The following NCAM1 variants were observed in gnomAD, a reference collection of about 807,000 sequenced individuals.
The protein encoded by NCAM1 is neural cell adhesion molecule 1.
NCAM1 carries 14 observed loss-of-function variants against 109.8 expected under a neutral mutation model. That is an observed-to-expected ratio of 0.13 (90% CI 0.08 to 0.20). The LOEUF (loss-of-function observed/expected upper bound fraction) is 0.20. Among genes scored for constraint, NCAM1 ranks in the 10% least tolerant of loss-of-function variants. The probability of loss-of-function intolerance (pLI) is 1.00; values close to 1 mark genes in which losing one functional copy is unlikely to be tolerated. For synonymous variants in NCAM1, 418 were observed against 442.9 expected, an observed-to-expected ratio of 0.94 and a Z score of 0.70; for missense variants, 774 against 1,109.9, an observed-to-expected ratio of 0.70 and a Z score of 4.30.
intron 1 of NCAM1, among the ~76,000 whole-genome samples, chr11:113,018,491 G>A (rs1263031837): frequency 1.3e-5 from 2 of 152,090 alleles, no homozygotes; most frequent in Middle Eastern, 3.2e-3. Flanking sequence ...TCCCCATAGA[G>A]CAACATCTAT....
intron 1 of NCAM1, among the ~76,000 whole-genome samples, chr11:113,123,465 C>A (rs2136056456): frequency 6.6e-6 from 1 of 152,264 alleles, no homozygotes; most frequent in Non-Finnish European, 1.5e-5. Context: ...AGTTCTGGGA[C>A]ACTCTTACTC....
chr11:113,066,113 T>A (rs1468418868), intron 1 of NCAM1, among the ~76,000 whole-genome samples: 6 of 152,150 alleles, frequency 3.9e-5, no homozygotes, highest in Admixed American at 3.9e-4. Flanking sequence ...GATGAACATA[T>A]GAATTTATTA....
chr11:113,041,679 TG>T (rs1334625645), intron 1 of NCAM1, among the ~76,000 whole-genome samples: 1 of 132,842 alleles, frequency 7.5e-6, no homozygotes, highest in Non-Finnish European at 1.6e-5. Flanking sequence ...TTATTGTGTC[TG>T]AAAAAAAAAT....
chr11:112,969,918 G>A (rs1466402441), intron 1 of NCAM1, among the ~76,000 whole-genome samples: 1 of 152,062 alleles, frequency 6.6e-6, no homozygotes, highest in East Asian at 1.9e-4. Flanking sequence ...GAAGCAGGCA[G>A]GTAAAAACTG....
chr11:113,163,760 G>A (rs376418491), intron 1 of NCAM1, among the ~76,000 whole-genome samples: 1 of 152,170 alleles, frequency 6.6e-6, no homozygotes, highest in Non-Finnish European at 1.5e-5. Flanking sequence ...AAAGAAGAAA[G>A]TGTCAGGGTT....
intron 1 of NCAM1, among the ~76,000 whole-genome samples, chr11:113,148,287 G>C (rs1475008321): frequency 6.6e-6 from 1 of 151,600 alleles, no homozygotes. Flanking sequence ...ACAGGCCGCT[G>C]CCCTACTCCC....
chr11:113,124,963 A>C (rs190831694), intron 1 of NCAM1, among the ~76,000 whole-genome samples: 57 of 152,332 alleles, frequency 3.7e-4, no homozygotes, highest in Non-Finnish European at 1.9e-4. Context: ...TAGCCATCAC[A>C]CTGGTGGTAC....
intron 1 of NCAM1, among the ~76,000 whole-genome samples, chr11:113,183,423 T>C (rs552282872): frequency 6.6e-6 from 1 of 152,272 alleles, no homozygotes; most frequent in East Asian, 1.9e-4. Flanking sequence ...TAAGAAACAA[T>C]ATTCACCTTA....
chr11:113,103,807 A>G (rs1555091963), intron 1 of NCAM1, among the ~76,000 whole-genome samples: 4 of 152,128 alleles, frequency 2.6e-5, no homozygotes, highest in African/African-American at 9.7e-5. Context: ...ACCGTGGGCG[A>G]TATGCAAATG....
At chr11:113,185,853 C>G (rs1298233316) in intron 1 of NCAM1, among the ~76,000 whole-genome samples, 2 of 152,164 alleles carry the variant, frequency 1.3e-5, no homozygotes, top group Non-Finnish European at 1.5e-5. Context: ...ACTAGAACCA[C>G]AGTGGCCCTA....
chr11:113,090,115 C>T (rs1341530734), intron 1 of NCAM1, among the ~76,000 whole-genome samples: 1 of 152,168 alleles, frequency 6.6e-6, no homozygotes, highest in African/African-American at 2.4e-5. Flanking sequence ...GTTTCATAAT[C>T]TCAACTAGTA....
intron 1 of NCAM1, among the ~76,000 whole-genome samples, chr11:113,074,465 G>T (rs1173947343): frequency 1.3e-5 from 2 of 152,086 alleles, no homozygotes; most frequent in African/African-American, 4.8e-5. Flanking sequence ...GGGTCTCATG[G>T]TGAAAAAAGA....
At chr11:113,143,585 G>A (rs143684331) in intron 1 of NCAM1, among the ~76,000 whole-genome samples, 4 of 152,296 alleles carry the variant, frequency 2.6e-5, no homozygotes, top group African/African-American at 4.8e-5. Context: ...TTTTGGCTCA[G>A]CACTGGTAAT....
At chr11:113,137,472 A>T (rs1377181602) in intron 1 of NCAM1, among the ~76,000 whole-genome samples, 1 of 152,244 alleles carries the variant, frequency 6.6e-6, no homozygotes, top group Non-Finnish European at 1.5e-5. Context: ...CATTAATCTG[A>T]CATTTTGATG....
Position 113,159,863 on chromosome 11 carries a change from C to T in NCAM1, c.53-42516C>T, listed in dbSNP as rs531846916. On this transcript the variant is annotated intron_variant, in intron 1 of 19. Coordinates refer to ENST00000316851, the MANE Select transcript of NCAM1 (RefSeq NM_181351.5). The stretch of plus-strand genomic sequence containing the variant: ...TAATGCTATCCCTCCCCCCTCCCCC[C>T]ACCCCACAACAGGCCCTGGTGTGTG... 9.3e-5 allele frequency among the ~76,000 whole-genome samples: 11 copies of T among 118,030 alleles called. No individual in the cohort carries two copies. The East Asian group carries it at 3.2e-3, about 34-fold the overall frequency. The allele number at this position is 118,030 out of a possible 152,430, so 77.4% of individuals were successfully genotyped here.
Position 113,274,119 on chromosome 11 carries a change from G to A in NCAM1, c.2457-1148G>A, listed in dbSNP as rs1591480052. ...GCCCCCAGTCGGTGTGTTATTCAGT[G>A]CCAGGCTGAGTCCCTACCAGAAAGG... On this transcript the variant is annotated intron_variant, in intron 19 of 19. Coordinates refer to ENST00000316851, the MANE Select transcript of NCAM1 (RefSeq NM_181351.5). This position sits in a 1 kb window ranked among gnomAD's most constrained non-coding sequence, Gnocchi z 4.1. 6.6e-6 allele frequency among the ~76,000 whole-genome samples: 1 copy of A among 152,280 alleles called. No homozygotes were observed. The highest frequency in any genetic ancestry group is 2.4e-5 in the African/African-American group (1 of 41,562).
At chr11:113,090,504 C>A (rs1939292783) in intron 1 of NCAM1, among the ~76,000 whole-genome samples, 1 of 152,080 alleles carries the variant, frequency 6.6e-6, no homozygotes, top group Non-Finnish European at 1.5e-5. Context: ...AACATTAAGG[C>A]CAAAGAAGTA....
Position 112,963,727 on chromosome 11 carries a change from T to C in NCAM1, c.52+2063T>C, listed in dbSNP as rs2134437445. On this transcript the variant is annotated intron_variant, in intron 1 of 19. Transcript: ENST00000316851. The surrounding 1 kb of genome is among the most constrained non-coding windows in gnomAD (Gnocchi z 4.6). ...GTGACAATGGAGCCCGGATATTTGG[T>C]GGGCCTTTTGGGGGATCGCCTGGCG... is the stretch of plus-strand genomic sequence containing the variant. Among the ~76,000 whole-genome samples the C allele has an allele frequency of 6.6e-6, 1 of 152,320 alleles. No homozygotes were observed. Among genetic ancestry groups the C allele is most frequent in the African/African-American group, 2.4e-5 (1 of 41,590 alleles).
intron 1 of NCAM1, among the ~76,000 whole-genome samples, chr11:112,974,167 G>C (rs912903924): frequency 2.0e-5 from 3 of 152,038 alleles, no homozygotes; most frequent in African/African-American, 7.2e-5. Context: ...GAAGAATGAA[G>C]AAGTAACGGA....
Sources: gnomAD v4.1 joint callset for allele counts (sites outside exome capture counted in the v4.1 genomes callset) on GRCh38, gnomAD v4.1.1 for gene constraint, Gnocchi (gnomAD v3.1) non-coding constraint, MANE v1.5 for transcripts, NCBI Gene and HGNC (gene_info 2026-07-23, HGNC 2026-07-21) for gene names.